Variants in MRTFB observed in about 807,000 individuals in gnomAD.
MRTFB encodes the protein myocardin related transcription factor B.
MRTFB carries 29 observed loss-of-function variants against 104.2 expected under a neutral mutation model. That is an observed-to-expected ratio of 0.28 (90% CI 0.21 to 0.38). The LOEUF (loss-of-function observed/expected upper bound fraction) is 0.38, where lower values mean the gene tolerates loss of function less well. MRTFB is among the 10% of genes least tolerant of loss of function. The pLI, the probability that MRTFB is intolerant of heterozygous loss-of-function variation, is 1.00. For missense variants in MRTFB, 1,270 were observed against 1,341.6 expected (o/e 0.95, Z 0.83); for synonymous variants, 535 against 519.5 (o/e 1.03, Z -0.41).
At chr16:14,168,029 G>T (rs1369388055) in intron 3 of MRTFB, among the ~76,000 whole-genome samples, 1 of 152,106 alleles carries the variant, frequency 6.6e-6, no homozygotes, top group African/African-American at 2.4e-5. Context: ...TAAGGAAGGG[G>T]CCTAGTTTTA....
rs1346658835 is a variant in MRTFB at position 14,218,891 on chromosome 16, T to C, written c.586T>C (p.Ser196Pro). ...SFDEDSSDAL[S>P]PDQPASQESQ... ...TGATGAAGACAGCAGTGACGCTTTGTCTCCGGACCAGCCTGCGAGTCAGGA... is the reference window on the plus strand; with the variant it reads ...TGATGAAGACAGCAGTGACGCTTTGCCTCCGGACCAGCCTGCGAGTCAGGA... Residue 196 changes from serine to proline, a missense_variant, in exon 8 of 17, where the codon TCT (serine) becomes CCT (proline). Transcript: ENST00000571589. The C allele has an allele frequency of 2.5e-6, 4 of 1,613,932 alleles. No individual in the cohort carries two copies. The highest frequency in any genetic ancestry group is 3.4e-6 in the Non-Finnish European group (4 of 1,180,008).
rs577209491 is a variant in MRTFB at position 14,160,689 on chromosome 16, A to G, written c.154+19929A>G. Among the ~76,000 whole-genome samples, 1,187 of 129,252 alleles carry G rather than the reference A, an allele frequency of 9.2e-3. 12 individuals carry two copies. The highest frequency in any genetic ancestry group is 0.04 in the African/African-American group (1,054 of 26,532). The allele number at this position is 129,252 out of a possible 152,430, so 84.8% of individuals were successfully genotyped here. A position where few individuals can be genotyped will look rare whatever the true frequency, so the allele number is the denominator to read the frequency against. On this transcript the variant is annotated intron_variant, in intron 3 of 16. Transcript: ENST00000571589. ...CTATTCACTAGCACTATTCTGAGGA[A>G]AAAAAAAAGCTTTCTTTTCAAAGGG...
chr16:14,231,246 C>T (rs2151301321), intron 8 of MRTFB, among the ~76,000 whole-genome samples: 1 of 151,510 alleles, frequency 6.6e-6, no homozygotes, highest in East Asian at 1.9e-4. Context: ...AACTAACCTG[C>T]ACATTGTGCA....
At chr16:14,204,151 T>A (rs186844890) in intron 3 of MRTFB, among the ~76,000 whole-genome samples, 1 of 152,134 alleles carries the variant, frequency 6.6e-6, no homozygotes, top group East Asian at 1.9e-4. Context: ...TTTTTATTTT[T>A]CTTTGGTAGA....
chr16:14,232,955 G>A (rs927486215), intron 8 of MRTFB, among the ~76,000 whole-genome samples: 1 of 152,138 alleles, frequency 6.6e-6, no homozygotes, highest in Non-Finnish European at 1.5e-5. Flanking sequence ...TGTTAAAGGA[G>A]GACATTTTTC....
chr16:14,222,089 T>C lies in MRTFB; in HGVS notation c.693+3091T>C, dbSNP rs766486374. Among the ~76,000 whole-genome samples the C allele has an allele frequency of 2.0e-5, 3 of 152,266 alleles. No individual in the cohort carries two copies. The South Asian group carries it at 6.2e-4, about 32-fold the overall frequency. On this transcript the variant is annotated intron_variant, in intron 8 of 16. Coordinates refer to ENST00000571589, the MANE Select transcript of MRTFB (RefSeq NM_001308142.2). ...GCCGCCGCACCTGGCCCATTTAATT[T>C]TCGATGCATGTGGACTAATCCTTGT...
Position 14,261,430 on chromosome 16 carries a change from C to G in MRTFB, c.3286C>G (p.Leu1096Val). 6.2e-7 allele frequency: 1 copy of G among 1,601,024 alleles called. No homozygotes were observed. The highest frequency in any genetic ancestry group is 8.5e-7 in the Non-Finnish European group (1 of 1,170,522). Residue 1096 changes from leucine to valine, a missense_variant, in exon 17 of 17, where the codon CTG becomes GTG. Leu to Val is a conservative substitution (Grantham distance 32, BLOSUM62 1). Coordinates refer to ENST00000571589, the MANE Select transcript of MRTFB (RefSeq NM_001308142.2). ...ADFLDPQDLP[L>V]PWD ...CTTTCTAGACCCACAGGACCTACCG[C>G]TGCCATGGGACTAACGTCACAGATT...
At chr16:14,117,178 A>G (rs2036584065) in intron 2 of MRTFB, among the ~76,000 whole-genome samples, 1 of 152,260 alleles carries the variant, frequency 6.6e-6, no homozygotes, top group South Asian at 2.1e-4. Context: ...TACAGGCCAC[A>G]GAATCTCCTG....
intron 11 of MRTFB, 127 bp from the exon 12 acceptor site, chr16:14,246,346 C>A: frequency 1.2e-6 from 1 of 841,360 alleles, no homozygotes; most frequent in Non-Finnish European, 1.8e-6. Flanking sequence ...AAAACCAGTT[C>A]TACTTTCAGG....
In MRTFB at chr16:14,246,636, C is replaced by T; in HGVS notation, c.1376C>T (p.Pro459Leu). Residue 459 changes from proline to leucine, a missense_variant, in exon 12 of 17, where the codon CCA becomes CTA. Pro to Leu is a moderately conservative substitution (Grantham distance 98). This residue lies in a region of MRTFB where 1,144 missense variants were observed against 1,131.5 expected (regional missense o/e 1.01). Coordinates refer to ENST00000571589, the MANE Select transcript of MRTFB (RefSeq NM_001308142.2). ...TCATCAGCCATTGTCACCAGTAACC[C>T]AGAAGTCACTGTGGCCTTGCCGGTT... ...VSSSAIVTSN[P>L]EVTVALPVTT... The T allele has an allele frequency of 6.2e-7, 1 of 1,614,120 alleles. No individual in the cohort carries two copies. The highest frequency in any genetic ancestry group is 8.5e-7 in the Non-Finnish European group (1 of 1,180,020).
intron 10 of MRTFB, among the ~76,000 whole-genome samples, chr16:14,244,067 A>G (rs1567210236): frequency 6.6e-6 from 1 of 151,720 alleles, no homozygotes; most frequent in African/African-American, 2.4e-5. Context: ...TTAAGTAGAG[A>G]CGGGGTTTCA....
intron 2 of MRTFB, among the ~76,000 whole-genome samples, chr16:14,111,842 A>G (rs2036284296): frequency 6.6e-6 from 1 of 152,106 alleles, no homozygotes; most frequent in Admixed American, 6.5e-5. Flanking sequence ...CAAATGCTGA[A>G]AACACAGAAG....
At chr16:14,250,424 G>A (rs2043206331) in intron 13 of MRTFB, among the ~76,000 whole-genome samples, 1 of 152,190 alleles carries the variant, frequency 6.6e-6, no homozygotes, top group African/African-American at 2.4e-5. Flanking sequence ...TGTGGCTCTT[G>A]ATGGAGGTGC....
intron 3 of MRTFB, among the ~76,000 whole-genome samples, chr16:14,185,763 T>G (rs1489536215): frequency 6.6e-6 from 1 of 152,128 alleles, no homozygotes; most frequent in African/African-American, 2.4e-5. Flanking sequence ...TTATGGGAAC[T>G]CTTTGCAAAG....
intron 2 of MRTFB, among the ~76,000 whole-genome samples, chr16:14,082,650 T>C (rs1046266095): frequency 6.6e-6 from 1 of 152,138 alleles, no homozygotes; most frequent in Non-Finnish European, 1.5e-5. Context: ...TGTGGTCATT[T>C]GTACCTGTAG....
chr16:14,225,641 C>A (rs1342422642), intron 8 of MRTFB, among the ~76,000 whole-genome samples: 1 of 151,528 alleles, frequency 6.6e-6, no homozygotes, highest in Non-Finnish European at 1.5e-5. Flanking sequence ...GCTGTCCACA[C>A]CTGCCATCCA....
chr16:14,090,410 G>A (rs544549863), intron 2 of MRTFB, among the ~76,000 whole-genome samples: 14 of 152,124 alleles, frequency 9.2e-5, no homozygotes, highest in African/African-American at 2.4e-4. Context: ...ATTGTTCTGC[G>A]TCGCTTAAAA....
chr16:14,216,066 G>A (rs921713667), intron 6 of MRTFB, among the ~76,000 whole-genome samples: 8 of 152,124 alleles, frequency 5.3e-5, no homozygotes, highest in African/African-American at 1.4e-4. Flanking sequence ...TCGCAATAGC[G>A]GTCACAACAG....
the MRTFB span, among the ~76,000 whole-genome samples, chr16:14,060,619 C>T: frequency 6.6e-6 from 1 of 152,062 alleles, no homozygotes; most frequent in Non-Finnish European, 1.5e-5. Flanking sequence ...CTTGGCAGTG[C>T]AACAGAATCA....
Sources: gnomAD v4.1 joint callset for allele counts (sites outside exome capture counted in the v4.1 genomes callset) on GRCh38, gnomAD v4.1.1 for gene constraint, gnomAD v4.1.1 regional missense constraint, MANE v1.5 for transcripts, NCBI Gene and HGNC (gene_info 2026-07-23, HGNC 2026-07-21) for gene names.